The following ADK variants were observed in gnomAD, a reference collection of about 807,000 sequenced individuals.
The protein encoded by ADK is adenosine kinase, also known as N6,N6-dimethyladenosine kinase.
In ADK, 24 loss-of-function variants were observed where a neutral mutation model predicts 44.7. The observed-to-expected ratio is 0.54, with a 90% confidence interval of 0.39 to 0.76. The LOEUF (loss-of-function observed/expected upper bound fraction) is 0.76, where lower values mean the gene tolerates loss of function less well. ADK is among the 30% of genes least tolerant of loss of function. The probability of loss-of-function intolerance (pLI) is 0.00; values close to 1 mark genes in which losing one functional copy is unlikely to be tolerated. For missense variants in ADK, 321 were observed against 425.1 expected (o/e 0.76, Z 2.15); for synonymous variants, 128 against 142.6 (o/e 0.90, Z 0.73).
chr10:74,658,556 C>T (rs1365694130), intron 9 of ADK, among the ~76,000 whole-genome samples: 1 of 152,116 alleles, frequency 6.6e-6, no homozygotes. Flanking sequence ...CTTAGTTAGC[C>T]TCCCAAGTAA....
chr10:74,302,128 T>TTTTTTTTTTTTTTTTTTTTTTTTTTTTG (rs1840076027), intron 3 of ADK, among the ~76,000 whole-genome samples: 1 of 89,388 alleles, frequency 1.1e-5, no homozygotes, highest in African/African-American at 4.2e-5. Flanking sequence ...TTTTTTTTTT[T>TTTTTTTTTTTTTTTTTTTTTTTTTTTTG]TTTTTTTTTT....
In ADK at chr10:74,495,703, C is replaced by A. The variant is rs73272254; in HGVS notation, c.556-29553C>A. Among the ~76,000 whole-genome samples, 1,198 of 152,268 alleles carry A rather than the reference C, an allele frequency of 7.9e-3. 16 individuals carry two copies. The highest frequency in any genetic ancestry group is 0.027 in the African/African-American group (1,124 of 41,538). The stretch of plus-strand genomic sequence containing the variant: ...TCCTGAGTCTGAAGCCTTTCCAGTT[C>A]TTTCCTAGCCTACCTTCCCTCCATT... On this transcript the variant is annotated intron_variant, in intron 6 of 10. Coordinates refer to ENST00000539909, the MANE Select transcript of ADK (RefSeq NM_006721.4).
At chr10:74,309,297 T>C (rs1840358450) in intron 3 of ADK, among the ~76,000 whole-genome samples, 1 of 152,152 alleles carries the variant, frequency 6.6e-6, no homozygotes, top group Non-Finnish European at 1.5e-5. Context: ...ATACATTTAG[T>C]TTCCAACCAC....
At chr10:74,209,477 C>G (rs892868404) in intron 2 of ADK, among the ~76,000 whole-genome samples, 1 of 152,160 alleles carries the variant, frequency 6.6e-6, no homozygotes, top group African/African-American at 2.4e-5. Flanking sequence ...ATAGCCTGGT[C>G]TGTGGTATTT....
chr10:74,306,178 T>C (rs1369554549), intron 3 of ADK, among the ~76,000 whole-genome samples: 1 of 152,144 alleles, frequency 6.6e-6, no homozygotes, highest in African/African-American at 2.4e-5. Context: ...GATTGGAAAA[T>C]TTTTATTGAT....
At chr10:74,304,655 T>C (rs1386946664) in intron 3 of ADK, among the ~76,000 whole-genome samples, 2 of 152,222 alleles carry the variant, frequency 1.3e-5, no homozygotes, top group South Asian at 4.1e-4. Context: ...CAATGTTTAA[T>C]TATTTTAAAA....
chr10:74,599,570 T>G (rs1301233645), intron 8 of ADK, among the ~76,000 whole-genome samples: 1 of 152,206 alleles, frequency 6.6e-6, no homozygotes, highest in African/African-American at 2.4e-5. Flanking sequence ...ATGGACAGTT[T>G]TAAAAGCCCA....
At chr10:74,592,990 A>G (rs950022279) in intron 8 of ADK, among the ~76,000 whole-genome samples, 3 of 152,262 alleles carry the variant, frequency 2.0e-5, no homozygotes, top group Admixed American at 1.3e-4. Context: ...CATATGCATC[A>G]TCACAGAAAG....
At chr10:74,345,698 A>G (rs1841742381) in intron 4 of ADK, among the ~76,000 whole-genome samples, 1 of 152,184 alleles carries the variant, frequency 6.6e-6, no homozygotes, top group Admixed American at 6.5e-5. Flanking sequence ...ACTGTCTTTT[A>G]TGTATAGTTA....
At chr10:74,465,915 A>G (rs1187178600) in intron 6 of ADK, among the ~76,000 whole-genome samples, 1 of 152,158 alleles carries the variant, frequency 6.6e-6, no homozygotes, top group Non-Finnish European at 1.5e-5. Context: ...TTAGACTTTG[A>G]TAAACTTCTG....
At chr10:74,460,717 T>C (rs1029043877) in intron 6 of ADK, among the ~76,000 whole-genome samples, 7 of 152,198 alleles carry the variant, frequency 4.6e-5, no homozygotes, top group African/African-American at 4.8e-5. Context: ...TTAACAAATA[T>C]GAGACTTGAA....
rs1839913030 is a variant in ADK, at chr10:74,299,088, A to G, written c.195-15579A>G. The stretch of plus-strand genomic sequence containing the variant: ...GACTGAAAAATTAGCTTTCATGAAA[A>G]GTCGATGAAACATCTGCAGACGTGA... On this transcript the variant is annotated intron_variant, in intron 3 of 10. Transcript: ENST00000539909. Among the ~76,000 whole-genome samples the G allele has an allele frequency of 2.6e-5, 4 of 152,238 alleles. No homozygotes were observed. The South Asian group carries it at 6.2e-4, about 24-fold the overall frequency.
At chr10:74,592,739 A>G (rs1851765860) in intron 8 of ADK, among the ~76,000 whole-genome samples, 1 of 152,140 alleles carries the variant, frequency 6.6e-6, no homozygotes, top group South Asian at 2.1e-4. Flanking sequence ...TTCATCTTAC[A>G]CCACTGAAAG....
At chr10:74,600,111 T>C (rs1463624347) in intron 8 of ADK, among the ~76,000 whole-genome samples, 3 of 152,190 alleles carry the variant, frequency 2.0e-5, no homozygotes, top group African/African-American at 7.2e-5. Flanking sequence ...GAGTTTACTT[T>C]AGAATAATTT....
At chr10:74,268,747 G>T (rs772518047) in intron 3 of ADK, among the ~76,000 whole-genome samples, 2 of 152,166 alleles carry the variant, frequency 1.3e-5, no homozygotes, top group Non-Finnish European at 1.5e-5. Flanking sequence ...ACCGCTTTCA[G>T]TGCTGAAAAT....
At chr10:74,474,435 TC>T (rs1356272949) in intron 6 of ADK, among the ~76,000 whole-genome samples, 1 of 151,928 alleles carries the variant, frequency 6.6e-6, no homozygotes, top group Non-Finnish European at 1.5e-5. Flanking sequence ...AGTAGTCTTT[TC>T]TTTTCTTTCT....
intron 9 of ADK, among the ~76,000 whole-genome samples, chr10:74,624,228 ATT>A (rs201131792): frequency 1.4e-4 from 20 of 139,054 alleles, no homozygotes; most frequent in Non-Finnish European, 1.7e-4. Context: ...TGATTCATTG[ATT>A]TTTTTTTTTT....
chr10:74,267,367 T>A (rs1412863520), intron 3 of ADK, among the ~76,000 whole-genome samples: 1 of 152,168 alleles, frequency 6.6e-6, no homozygotes, highest in African/African-American at 2.4e-5. Context: ...CTGTGGTACT[T>A]TAGTATGTGT....
At chr10:74,579,625 A>G (rs971640925) in intron 7 of ADK, among the ~76,000 whole-genome samples, 20 of 152,204 alleles carry the variant, frequency 1.3e-4, no homozygotes, top group Non-Finnish European at 4.4e-5. Context: ...GAGATCCAAA[A>G]CAGAAAGAAC....
Sources: gnomAD v4.1 joint callset for allele counts (sites outside exome capture counted in the v4.1 genomes callset) on GRCh38, gnomAD v4.1.1 for gene constraint, MANE v1.5 for transcripts, NCBI Gene and HGNC (gene_info 2026-07-23, HGNC 2026-07-21) for gene names.